The following TMEM259 variants were observed in gnomAD, a reference collection of about 807,000 sequenced individuals.
TMEM259 encodes transmembrane protein 259.
A neutral mutation model predicts 46.7 loss-of-function variants in TMEM259; 26 were observed. The observed-to-expected ratio is 0.56, with a 90% confidence interval of 0.41 to 0.77. The LOEUF is 0.77. Ranked by LOEUF, TMEM259 falls within the 30% of genes least tolerant of loss-of-function variation. The probability of loss-of-function intolerance (pLI) is 0.00; values close to 1 mark genes in which losing one functional copy is unlikely to be tolerated. For synonymous variants in TMEM259, 494 were observed against 395.1 expected, an observed-to-expected ratio of 1.25 and a Z score of -2.97; for missense variants, 930 against 900.5, an observed-to-expected ratio of 1.03 and a Z score of -0.42.
chr19:1,019,876 C>G, intron 1 of TMEM259, among the ~76,000 whole-genome samples: 1 of 152,234 alleles, frequency 6.6e-6, no homozygotes, highest in East Asian at 1.9e-4. Flanking sequence ...AGCTTGTTTT[C>G]TGAGGGGCTG....
chr19:1,016,375 GGGTCAC>G lies in TMEM259; in HGVS notation c.226-1908_226-1903del, dbSNP rs941236742. Among the ~76,000 whole-genome samples, 24 of 152,340 alleles carry G rather than the reference GGGTCAC, an allele frequency of 1.6e-4. No individual in the cohort carries two copies. In the South Asian group the frequency reaches 2.3e-3, roughly 14 times the overall value. Reference sequence around the variant, plus strand: ...AGCCACGGAGGCTGGGCCCAGTGGTGGGTCACGGTCAGAGACACTGACCCCACAGCC... The same window carrying G: ...AGCCACGGAGGCTGGGCCCAGTGGTGGGTCAGAGACACTGACCCCACAGCC... On this transcript the variant is annotated intron_variant, in intron 1 of 10. Coordinates refer to ENST00000356663, the MANE Select transcript of TMEM259 (RefSeq NM_001033026.2).
At position 1,009,731 on chromosome 19, in the gene TMEM259, T is replaced by A; in HGVS notation, c.*619A>T. On this transcript the variant is annotated 3_prime_UTR_variant, in exon 11 of 11. Transcript: ENST00000356663. ...TTAAATAGAATGGAATGAGCGCTCC[T>A]CCGCATTCCTCCCCGAGTGACTGGT... 1 of 808,988 alleles carries A rather than the reference T, an allele frequency of 1.2e-6. No homozygotes were observed. The highest frequency in any genetic ancestry group is 1.7e-6 in the Non-Finnish European group (1 of 575,352). The allele number at this position is 808,988 out of a possible 1,614,324, so 50.1% of individuals were successfully genotyped here. A position where few individuals can be genotyped will look rare whatever the true frequency, so the allele number is the denominator to read the frequency against.
intron 1 of TMEM259, among the ~76,000 whole-genome samples, chr19:1,015,736 C>G (rs1043797094): frequency 6.6e-6 from 1 of 152,202 alleles, no homozygotes; most frequent in African/African-American, 2.4e-5. Context: ...TGACCCGTGA[C>G]CTGCTGGCAG....
rs145798599 is a variant in TMEM259 at position 1,014,275 on chromosome 19, C to T, written c.424G>A (p.Val142Met). The change falls in exon 2 of 11, where the codon GTG becomes ATG. Residue 142 changes from valine (V) to methionine (M), a missense_variant. Val to Met is a conservative substitution (Grantham distance 21). Coordinates refer to ENST00000356663, the MANE Select transcript of TMEM259 (RefSeq NM_001033026.2). Reference sequence around the variant, plus strand: ...ATGTCCAGGTTGCTGCCTGGTTCCACGGCCAGGCCCGGGAAGCTCCCGCGG... The same window carrying T: ...ATGTCCAGGTTGCTGCCTGGTTCCATGGCCAGGCCCGGGAAGCTCCCGCGG... ...GGRGSFPGLA[V>M]EPGSNLDMED... The T allele has an allele frequency of 7.4e-6, 12 of 1,612,888 alleles. No individual in the cohort carries two copies. In the African/African-American group the frequency reaches 8.0e-5, roughly 11 times the overall value.
Position 1,014,400 on chromosome 19 carries a change from T to A in TMEM259, c.299A>T (p.His100Leu). ...FSRSPINCLE[H>L]VRDKWPREGI... ...CTCACGCGGCCACTTGTCACGCACATGCTCCAGGCAGTTGATGGGCGAGCG... is the reference window on the plus strand; with the variant it reads ...CTCACGCGGCCACTTGTCACGCACAAGCTCCAGGCAGTTGATGGGCGAGCG... Residue 100 changes from histidine (H) to leucine (L), a missense_variant, in exon 2 of 11, where the codon CAT (histidine) becomes CTT (leucine). By Grantham distance (99) the His-to-Leu change is moderately conservative (BLOSUM62 -3). Transcript: ENST00000356663. 6.2e-7 allele frequency: 1 copy of A among 1,612,732 alleles called. No individual in the cohort carries two copies. Among genetic ancestry groups the A allele is most frequent in the Non-Finnish European group, 8.5e-7 (1 of 1,179,886 alleles).
intron 1 of TMEM259, among the ~76,000 whole-genome samples, chr19:1,018,522 G>A (rs1283693055): frequency 6.6e-6 from 1 of 152,216 alleles, no homozygotes; most frequent in African/African-American, 2.4e-5. Flanking sequence ...TCTCTGCAGG[G>A]AGACCCCCGG....
chr19:1,017,544 C>T, intron 1 of TMEM259: 1 of 397,840 alleles, frequency 2.5e-6, no homozygotes, highest in Admixed American at 4.4e-5. Context: ...TATGACCCTT[C>T]CTTCCTCCGG....
In TMEM259 at chr19:1,020,311, G is replaced by A. The variant is rs984719391; in HGVS notation, c.225+461C>T. Among the ~76,000 whole-genome samples the A allele has an allele frequency of 3.9e-5, 6 of 152,080 alleles. No homozygotes were observed. The highest frequency in any genetic ancestry group is 1.2e-4 in the African/African-American group (5 of 41,446). On this transcript the variant is annotated intron_variant, in intron 1 of 10. Coordinates refer to ENST00000356663, the MANE Select transcript of TMEM259 (RefSeq NM_001033026.2). The surrounding 1 kb of genome is among the most constrained non-coding windows in gnomAD (Gnocchi z 4.0). ...AGACCTGCGTCAGGCTGGGTTCTGG[G>A]CCAGCACATTGGGAGGGGAGAGAGG...
At chr19:1,012,270 G>A (rs1377806669) in intron 4 of TMEM259, 82 bp from the exon 5 acceptor site, 6 of 1,529,656 alleles carry the variant, frequency 3.9e-6, no homozygotes, top group Non-Finnish European at 5.3e-6. Context: ...CATTGCTGAG[G>A]CCTGGCCTGC....
In TMEM259 at chr19:1,012,577, C is replaced by T; in HGVS notation, c.608-4G>A. The T allele has an allele frequency of 6.4e-7, 1 of 1,572,532 alleles. No homozygotes were observed. ...ATGTACTCGTCCTGCGGCCACACTG[C>T]AGGGCAGAACCAGGGACCAGGTCAG... is the stretch of plus-strand genomic sequence containing the variant. On this transcript the variant is annotated splice_region_variant and splice_polypyrimidine_tract_variant and intron_variant, in intron 3 of 10. Coordinates refer to ENST00000356663, the MANE Select transcript of TMEM259 (RefSeq NM_001033026.2).
rs368251444 is a variant in TMEM259 at position 1,013,232 on chromosome 19, G to A, written c.607+9C>T. 127 of 1,612,516 alleles carry A rather than the reference G, an allele frequency of 7.9e-5. No individual in the cohort carries two copies. The highest frequency in any genetic ancestry group is 1.0e-4 in the Non-Finnish European group (123 of 1,178,804). ...CCGTGAGGCAGTACACCTTTGGTGG[G>A]TGGCCTACCTTTGGTGGGCGTCTCG... is the stretch of plus-strand genomic sequence containing the variant. On this transcript the variant is annotated intron_variant, in intron 3 of 10. Coordinates refer to ENST00000356663, the MANE Select transcript of TMEM259 (RefSeq NM_001033026.2).
intron 1 of TMEM259, among the ~76,000 whole-genome samples, chr19:1,017,864 C>G (rs1325204845): frequency 6.6e-6 from 1 of 152,188 alleles, no homozygotes; most frequent in Non-Finnish European, 1.5e-5. Flanking sequence ...TGGGGCTCCC[C>G]TTTGTCCACC....
chr19:1,020,244 G>A lies in TMEM259; in HGVS notation c.225+528C>T, dbSNP rs11670929. Among the ~76,000 whole-genome samples the A allele has an allele frequency of 0.031, 4,674 of 152,138 alleles. 90 individuals are homozygous for A. Among genetic ancestry groups the A allele is most frequent in the South Asian group, 0.064 (308 of 4,824 alleles). On this transcript the variant is annotated intron_variant, in intron 1 of 10. Transcript: ENST00000356663. This position sits in a 1 kb window ranked among gnomAD's most constrained non-coding sequence, Gnocchi z 4.0. Reference sequence around the variant, plus strand: ...GAAAGGCTACAAGGAGGGAGAGAGGGGAGTGGGGAGTCGACTTCCAGGACA... The same window carrying A: ...GAAAGGCTACAAGGAGGGAGAGAGGAGAGTGGGGAGTCGACTTCCAGGACA...
At chr19:1,016,626 G>A (rs941194473) in intron 1 of TMEM259, among the ~76,000 whole-genome samples, 2 of 152,180 alleles carry the variant, frequency 1.3e-5, no homozygotes, top group Non-Finnish European at 2.9e-5. Flanking sequence ...TACCATCCCT[G>A]GTTTATATAC....
rs2038863252 is a variant in TMEM259 at position 1,010,430 on chromosome 19, T to C, written c.1783A>G (p.Thr595Ala). The part of the protein sequence containing the change: ...PPSDSAASDT[T>A]PLGAAVGGPS... The stretch of plus-strand genomic sequence containing the variant: ...CCGCCTACCGCAGCCCCCAGGGGAG[T>C]TGTGTCAGAAGCTGCGGAGTCACTC... Residue 595 changes from threonine to alanine, a missense_variant, in exon 11 of 11, where the codon ACT becomes GCT. Thr to Ala is a moderately conservative substitution (Grantham distance 58). Transcript: ENST00000356663. 37 of 1,529,710 alleles carry C rather than the reference T, an allele frequency of 2.4e-5. No homozygotes were observed. Among genetic ancestry groups the C allele is most frequent in the Non-Finnish European group, 3.2e-5 (37 of 1,140,446 alleles). The allele number at this position is 1,529,710 out of a possible 1,614,324, so 94.8% of individuals were successfully genotyped here.
chr19:1,013,637 C>T lies in TMEM259; in HGVS notation c.508-297G>A, dbSNP rs184235435. ...GTCCATGATGCTCTGCCCAAACACTCAAACTCTTGGGGTTGGCTCTGTGGG... is the reference window on the plus strand; with the variant it reads ...GTCCATGATGCTCTGCCCAAACACTTAAACTCTTGGGGTTGGCTCTGTGGG... On this transcript the variant is annotated intron_variant, in intron 2 of 10. Transcript: ENST00000356663. 3.1e-4 allele frequency: 108 copies of T among 346,958 alleles called. 1 individual carries two copies. The highest frequency in any genetic ancestry group is 6.0e-4 in the Admixed American group (14 of 23,172). The allele number at this position is 346,958 out of a possible 1,614,324, so 21.5% of individuals were successfully genotyped here. A position where few individuals can be genotyped will look rare whatever the true frequency, so the allele number is the denominator to read the frequency against.
chr19:1,020,353 C>T lies in TMEM259; in HGVS notation c.225+419G>A, dbSNP rs1388192779. On this transcript the variant is annotated intron_variant, in intron 1 of 10. Transcript: ENST00000356663. This position sits in a 1 kb window ranked among gnomAD's most constrained non-coding sequence, Gnocchi z 4.0. Reference sequence around the variant, plus strand: ...GGAGAGAGGCCTCGGAACTGAGGGTCTCAGGCGGCACAGTCAGGGGTCAAA... The same window carrying T: ...GGAGAGAGGCCTCGGAACTGAGGGTTTCAGGCGGCACAGTCAGGGGTCAAA... Among the ~76,000 whole-genome samples, 1 of 152,026 alleles carries T rather than the reference C, an allele frequency of 6.6e-6. No homozygotes were observed. The highest frequency in any genetic ancestry group is 6.5e-5 in the Admixed American group (1 of 15,268).
chr19:1,011,599 G>T lies in TMEM259; in HGVS notation c.1065C>A (p.Thr355=). The part of the protein sequence containing the change: ...AIAFPAAPLL[T]VILALVGMEA... ...CCTCACCGACGAGGGCCAGGATGAC[G>T]GTCAGCAGGGGCGCTGCGGGGAAGG... Residue 355 remains threonine, a synonymous_variant, in exon 8 of 11, where the codon ACC becomes ACA. Transcript: ENST00000356663. 2 of 1,544,878 alleles carry T rather than the reference G, an allele frequency of 1.3e-6. No homozygotes were observed. Among genetic ancestry groups the T allele is most frequent in the South Asian group, 2.4e-5 (2 of 83,920 alleles).
Position 1,014,399 on chromosome 19 carries a change from A to G in TMEM259, c.300T>C (p.His100=), listed in dbSNP as rs7146. The G allele has an allele frequency of 0.67, 1,077,762 of 1,612,440 alleles. 362,388 individuals carry two copies. Among genetic ancestry groups the G allele is most frequent in the African/African-American group, 0.8 (59,908 of 75,032 alleles). The change falls in exon 2 of 11, where the codon CAT becomes CAC. Residue 100 remains histidine, a synonymous_variant. Transcript: ENST00000356663. ...CCTCACGCGGCCACTTGTCACGCAC[A>G]TGCTCCAGGCAGTTGATGGGCGAGC... ...FSRSPINCLE[H]VRDKWPREGI...
Sources: allele counts gnomAD v4.1 joint callset (sites outside exome capture counted in the v4.1 genomes callset), GRCh38; gene constraint gnomAD v4.1.1; non-coding constraint Gnocchi (gnomAD v3.1); transcripts MANE v1.5; gene names NCBI Gene and HGNC (gene_info 2026-07-23, HGNC 2026-07-21).